The following FBXO36 variants were observed in gnomAD, a reference collection of about 807,000 sequenced individuals.
FBXO36 encodes F-box protein 36.
FBXO36 carries 18 observed loss-of-function variants against 17.0 expected under a neutral mutation model. That is an observed-to-expected ratio of 1.06 (90% CI 0.73 to 1.57). The LOEUF is 1.57. FBXO36 is among the 40% of genes most tolerant of loss of function. The probability of loss-of-function intolerance (pLI) is 0.00; values close to 1 mark genes in which losing one functional copy is unlikely to be tolerated. For synonymous variants in FBXO36, 83 were observed against 85.3 expected, an observed-to-expected ratio of 0.97 and a Z score of 0.15; for missense variants, 229 against 221.9, an observed-to-expected ratio of 1.03 and a Z score of -0.20.
intron 1 of FBXO36, among the ~76,000 whole-genome samples, chr2:229,925,748 A>C (rs2076908853): frequency 2.6e-5 from 4 of 152,240 alleles, no homozygotes; most frequent in African/African-American, 9.6e-5. Context: ...GACATAGTCC[A>C]GAATATAAAT....
chr2:229,929,247 A>G (rs1474535377), intron 1 of FBXO36, among the ~76,000 whole-genome samples: 2 of 150,088 alleles, frequency 1.3e-5, no homozygotes, highest in African/African-American at 2.4e-5. Context: ...TTTTCTTTTT[A>G]ATATAAGTAA....
At chr2:229,968,060 T>G (rs2077162528) in intron 1 of FBXO36, among the ~76,000 whole-genome samples, 2 of 152,096 alleles carry the variant, frequency 1.3e-5, no homozygotes, top group Admixed American at 1.3e-4. Context: ...TCAGAGCCTG[T>G]TATTGGTCTA....
chr2:229,940,516 G>C (rs576461077), intron 1 of FBXO36, among the ~76,000 whole-genome samples: 1 of 152,300 alleles, frequency 6.6e-6, no homozygotes, highest in Non-Finnish European at 1.5e-5. Context: ...CCCCCAAAAA[G>C]ATAGTTGGAA....
intron 2 of FBXO36, among the ~76,000 whole-genome samples, chr2:229,980,846 G>A (rs532070295): frequency 6.6e-6 from 1 of 152,184 alleles, no homozygotes; most frequent in South Asian, 2.1e-4. Flanking sequence ...TGCAGTCTCG[G>A]GGCTGCCAGG....
At chr2:229,975,512 A>G (rs1209810382) in intron 1 of FBXO36, among the ~76,000 whole-genome samples, 2 of 148,468 alleles carry the variant, frequency 1.3e-5, no homozygotes, top group Non-Finnish European at 3.0e-5. Context: ...TCTGTCACCC[A>G]GGCTGGAGTA....
intron 1 of FBXO36, among the ~76,000 whole-genome samples, chr2:229,969,001 A>T (rs1352322178): frequency 6.6e-6 from 1 of 151,954 alleles, no homozygotes; most frequent in Non-Finnish European, 1.5e-5. Context: ...CTCAAACTCC[A>T]GACCTCAAGT....
chr2:229,926,063 G>A (rs755254216), intron 1 of FBXO36, among the ~76,000 whole-genome samples: 17 of 151,084 alleles, frequency 1.1e-4, no homozygotes, highest in Non-Finnish European at 2.4e-4. Flanking sequence ...GCTCAGGTGG[G>A]AGGATTGCTT....
intron 1 of FBXO36, among the ~76,000 whole-genome samples, chr2:229,929,605 G>T (rs953341641): frequency 2.2e-4 from 34 of 151,878 alleles, no homozygotes; most frequent in African/African-American, 7.5e-4. Context: ...AGGCGCGGTG[G>T]CTCATGCCTG....
At chr2:229,935,901 C>G (rs933043359) in intron 1 of FBXO36, among the ~76,000 whole-genome samples, 5 of 152,122 alleles carry the variant, frequency 3.3e-5, no homozygotes, top group Non-Finnish European at 7.4e-5. Flanking sequence ...AGATACTGAT[C>G]AGAAGGCCAG....
intron 1 of FBXO36, among the ~76,000 whole-genome samples, chr2:229,950,026 ATCATAGCATGTAGCT>A (rs1469349628): frequency 6.6e-6 from 1 of 152,252 alleles, no homozygotes; most frequent in East Asian, 1.9e-4. Flanking sequence ...GGAAAAATTA[ATCATAGCATGTAGCT>A]TCAGTGCCTC....
intron 2 of FBXO36, among the ~76,000 whole-genome samples, chr2:229,987,083 G>C: frequency 6.6e-6 from 1 of 151,550 alleles, no homozygotes; most frequent in East Asian, 2.0e-4. Flanking sequence ...AGCCAGGCGT[G>C]TTGGCGCACA....
At chr2:229,954,846 G>GT (rs1416828930) in intron 1 of FBXO36, among the ~76,000 whole-genome samples, 2 of 148,752 alleles carry the variant, frequency 1.3e-5, no homozygotes, top group African/African-American at 5.0e-5. Flanking sequence ...CATGCCTGGC[G>GT]TTTTTTGTTT....
intron 2 of FBXO36, among the ~76,000 whole-genome samples, chr2:229,995,588 C>CTT (rs1560454291): frequency 8.2e-6 from 1 of 121,344 alleles, no homozygotes; most frequent in Admixed American, 8.6e-5. Context: ...CTTTCTCTTT[C>CTT]TTTCTTTCTT....
intron 2 of FBXO36, among the ~76,000 whole-genome samples, chr2:229,991,260 T>G (rs2077296579): frequency 6.6e-6 from 1 of 152,156 alleles, no homozygotes; most frequent in East Asian, 1.9e-4. Context: ...ACTCCTTAAT[T>G]ATTCAGAAAT....
intron 3 of FBXO36, among the ~76,000 whole-genome samples, chr2:230,007,709 C>T (rs914861459): frequency 1.3e-5 from 2 of 152,044 alleles, no homozygotes; most frequent in African/African-American, 4.8e-5. Context: ...AAGCGATTCT[C>T]CCTCAGCCTC....
intron 1 of FBXO36, among the ~76,000 whole-genome samples, chr2:229,963,152 G>A (rs138398368): frequency 6.6e-6 from 1 of 151,436 alleles, no homozygotes. Context: ...TGCAACCTCC[G>A]CCTCCCAGGT....
chr2:229,984,903 T>G (rs1322348682), intron 2 of FBXO36, among the ~76,000 whole-genome samples: 1 of 152,168 alleles, frequency 6.6e-6, no homozygotes, highest in East Asian at 1.9e-4. Flanking sequence ...ATCTGCACAC[T>G]TACATGAGAA....
intron 1 of FBXO36, among the ~76,000 whole-genome samples, chr2:229,967,899 G>A (rs2077161666): frequency 6.6e-6 from 1 of 152,184 alleles, no homozygotes; most frequent in African/African-American, 2.4e-5. Context: ...CGTAAAATGA[G>A]TTAGGGAGGA....
chr2:229,952,444 A>T (rs1360765771), intron 1 of FBXO36, among the ~76,000 whole-genome samples: 1 of 152,212 alleles, frequency 6.6e-6, no homozygotes, highest in African/African-American at 2.4e-5. Flanking sequence ...CTCAGATTGC[A>T]AGAGGGAGAA....
Sources: allele counts gnomAD v4.1 joint callset (sites outside exome capture counted in the v4.1 genomes callset), GRCh38; gene constraint gnomAD v4.1.1; transcripts MANE v1.5; gene names NCBI Gene and HGNC (gene_info 2026-07-23, HGNC 2026-07-21).